The following VMP1 variants were observed in gnomAD, a reference collection of about 807,000 sequenced individuals.
The protein encoded by VMP1 is ectopic P-granules autophagy protein 3 homolog.
In VMP1, 11 loss-of-function variants were observed where a neutral mutation model predicts 56.0. The observed-to-expected ratio is 0.20, with a 90% CI of 0.12 to 0.32. VMP1 has a LOEUF of 0.32. VMP1 is among the 10% of genes least tolerant of loss of function. The probability of loss-of-function intolerance (pLI) is 1.00; values close to 1 mark genes in which losing one functional copy is unlikely to be tolerated. For missense variants in VMP1, 296 were observed against 490.3 expected, an observed-to-expected ratio of 0.60 and a Z score of 3.74; for synonymous variants, 149 against 165.0, an observed-to-expected ratio of 0.90 and a Z score of 0.74.
intron 8 of VMP1, among the ~76,000 whole-genome samples, chr17:59,809,663 C>T (rs1026243260): frequency 1.3e-5 from 2 of 150,568 alleles, no homozygotes; most frequent in Non-Finnish European, 3.0e-5. Context: ...CCCGCCACTA[C>T]GCCCGGCTAA....
At chr17:59,814,224 G>A (rs1337340089) in intron 9 of VMP1, among the ~76,000 whole-genome samples, 1 of 152,126 alleles carries the variant, frequency 6.6e-6, no homozygotes, top group Admixed American at 6.5e-5. Flanking sequence ...TGATCTGCCC[G>A]CCTTGGCCTC....
chr17:59,742,254 T>TC (rs1318352983), intron 5 of VMP1, among the ~76,000 whole-genome samples: 2 of 152,052 alleles, frequency 1.3e-5, no homozygotes, highest in African/African-American at 4.8e-5. Context: ...ATTCCTGTGC[T>TC]CCCAGTGCTT....
intron 7 of VMP1, among the ~76,000 whole-genome samples, chr17:59,805,280 T>G (rs2037807367): frequency 6.6e-6 from 1 of 152,234 alleles, no homozygotes; most frequent in Admixed American, 6.5e-5. Context: ...TAATTGCCGT[T>G]AAGCAAAGAT....
chr17:59,783,295 GA>G (rs2036891977), intron 7 of VMP1, among the ~76,000 whole-genome samples: 1 of 152,154 alleles, frequency 6.6e-6, no homozygotes, highest in Admixed American at 6.5e-5. Flanking sequence ...TTTTAAGGGG[GA>G]AAAAAGATGA....
intron 5 of VMP1, among the ~76,000 whole-genome samples, chr17:59,746,546 GT>G (rs932892977): frequency 5.9e-5 from 9 of 152,176 alleles, no homozygotes; most frequent in African/African-American, 2.2e-4. Context: ...TTCTTTAAAT[GT>G]TACAAATAAA....
At position 59,786,620 on chromosome 17, in the gene VMP1, T is replaced by G. The variant is rs972597056; in HGVS notation, c.714+12735T>G. Among the ~76,000 whole-genome samples the G allele has an allele frequency of 2.6e-5, 4 of 152,226 alleles. No individual in the cohort carries two copies. In the South Asian group the frequency reaches 8.3e-4, roughly 31 times the overall value. ...GTGGTTTGTCTGGCCATCACATGAC[T>G]TCTCTGAAAATTCCCCCTCCCCTTC... is the stretch of plus-strand genomic sequence containing the variant. On this transcript the variant is annotated intron_variant, in intron 7 of 11. Coordinates refer to ENST00000262291, the MANE Select transcript of VMP1 (RefSeq NM_030938.5).
At chr17:59,730,843 G>GTT (rs545256374) in intron 1 of VMP1, among the ~76,000 whole-genome samples, 2 of 142,578 alleles carry the variant, frequency 1.4e-5, no homozygotes, top group South Asian at 2.2e-4. Context: ...TTCAAGTTTG[G>GTT]TTTTTTTTTT....
At chr17:59,763,738 A>T (rs1414425423) in intron 5 of VMP1, among the ~76,000 whole-genome samples, 2 of 152,210 alleles carry the variant, frequency 1.3e-5, no homozygotes, top group Non-Finnish European at 2.9e-5. Flanking sequence ...ACTTTCTTAT[A>T]CACAGAGCCC....
In VMP1 at chr17:59,841,162, C is replaced by A; in HGVS notation, c.*1251C>A. 1 of 358,450 alleles carries A rather than the reference C, an allele frequency of 2.8e-6. No homozygotes were observed. Among genetic ancestry groups the A allele is most frequent in the Non-Finnish European group, 6.4e-6 (1 of 156,460 alleles). 22.2% of individuals were successfully genotyped at this position (358,450 alleles called of 1,614,324 possible). Reference sequence around the variant, plus strand: ...TTCGATCTTAACAGGCCAGAAATGCCTGGGTTTTTTTGGTTTGTTTTTGTT... The same window carrying A: ...TTCGATCTTAACAGGCCAGAAATGCATGGGTTTTTTTGGTTTGTTTTTGTT... On this transcript the variant is annotated 3_prime_UTR_variant, in exon 12 of 12. Coordinates refer to ENST00000262291, the MANE Select transcript of VMP1 (RefSeq NM_030938.5).
chr17:59,824,530 G>A (rs1266641930), intron 10 of VMP1, among the ~76,000 whole-genome samples: 1 of 148,356 alleles, frequency 6.7e-6, no homozygotes, highest in Non-Finnish European at 1.5e-5. Flanking sequence ...CCAAGATCGT[G>A]CCAGTGCACT....
At chr17:59,762,703 AAT>A (rs1005598252) in intron 5 of VMP1, among the ~76,000 whole-genome samples, 11 of 152,194 alleles carry the variant, frequency 7.2e-5, no homozygotes, top group African/African-American at 2.7e-4. Flanking sequence ...GGTTATGGAA[AAT>A]ATATGTCAGT....
intron 9 of VMP1, among the ~76,000 whole-genome samples, chr17:59,815,014 C>G (rs987925889): frequency 6.6e-6 from 1 of 152,032 alleles, no homozygotes; most frequent in Non-Finnish European, 1.5e-5. Context: ...TTTTTTCTAC[C>G]CTAATAGTAA....
At chr17:59,709,163 G>A (rs1598268797) in intron 1 of VMP1, among the ~76,000 whole-genome samples, 1 of 152,160 alleles carries the variant, frequency 6.6e-6, no homozygotes, top group African/African-American at 2.4e-5. Context: ...TTGAAACAAG[G>A]TGACAAAATT....
At chr17:59,819,492 G>T (rs538958584) in intron 10 of VMP1, among the ~76,000 whole-genome samples, 1 of 151,850 alleles carries the variant, frequency 6.6e-6, no homozygotes, top group African/African-American at 2.4e-5. Context: ...ACAGAGTCTC[G>T]CTCCAGGCTG....
chr17:59,714,996 C>T (rs559709856), intron 1 of VMP1, among the ~76,000 whole-genome samples: 2 of 152,260 alleles, frequency 1.3e-5, no homozygotes, highest in South Asian at 2.1e-4. Context: ...TCTGTATTCT[C>T]TATTCTTTTC....
At chr17:59,749,409 A>G (rs1487598050) in intron 5 of VMP1, among the ~76,000 whole-genome samples, 1 of 152,030 alleles carries the variant, frequency 6.6e-6, no homozygotes, top group Admixed American at 6.6e-5. Flanking sequence ...GCCCTGATAA[A>G]CCTGCAGGCT....
chr17:59,839,106 T>G (rs2039076645), intron 11 of VMP1: 1 of 153,500 alleles, frequency 6.5e-6, no homozygotes, highest in Non-Finnish European at 1.5e-5. Context: ...GCGATTCTCC[T>G]GCCTCAGCCT....
intron 9 of VMP1, among the ~76,000 whole-genome samples, chr17:59,812,817 G>A (rs1157523326): frequency 6.6e-6 from 1 of 152,138 alleles, no homozygotes; most frequent in Non-Finnish European, 1.5e-5. Flanking sequence ...TGTAATCCCA[G>A]CTACTTGGGA....
intron 5 of VMP1, among the ~76,000 whole-genome samples, chr17:59,759,911 T>G (rs771516393): frequency 0.023 from 3,349 of 144,320 alleles, 107 homozygotes; most frequent in African/African-American, 0.066. Flanking sequence ...GTGTTTTTTT[T>G]TTTTTTTTTT....
Sources: allele counts gnomAD v4.1 joint callset (sites outside exome capture counted in the v4.1 genomes callset), GRCh38; gene constraint gnomAD v4.1.1; transcripts MANE v1.5; gene names NCBI Gene and HGNC (gene_info 2026-07-23, HGNC 2026-07-21).